Variants in DUSP16 observed in about 807,000 individuals in gnomAD.
DUSP16 encodes the protein dual specificity protein phosphatase 16.
Under a neutral mutation model 58.3 loss-of-function variants are expected in DUSP16, and 21 were observed. That is an observed-to-expected ratio of 0.36 (90% confidence interval 0.26 to 0.52). The LOEUF is 0.52. DUSP16 is among the 20% of genes least tolerant of loss of function. The probability of loss-of-function intolerance (pLI) is 0.94; values close to 1 mark genes in which losing one functional copy is unlikely to be tolerated. For synonymous variants in DUSP16, 320 were observed against 323.8 expected, an observed-to-expected ratio of 0.99 and a Z score of 0.12; for missense variants, 726 against 819.0, an observed-to-expected ratio of 0.89 and a Z score of 1.39.
intron 4 of DUSP16, among the ~76,000 whole-genome samples, chr12:12,497,936 C>T (rs1943852592): frequency 6.6e-6 from 1 of 152,050 alleles, no homozygotes; most frequent in Non-Finnish European, 1.5e-5. Context: ...TGCCACTGCA[C>T]TCCAGCCTGG....
chr12:12,504,051 T>G (rs1207024495), intron 3 of DUSP16, among the ~76,000 whole-genome samples: 1 of 152,344 alleles, frequency 6.6e-6, no homozygotes. Flanking sequence ...TCGTGTTTTG[T>G]TCCTTTTCAG....
intron 3 of DUSP16, among the ~76,000 whole-genome samples, chr12:12,508,987 G>A (rs1159915655): frequency 6.6e-6 from 1 of 152,196 alleles, no homozygotes; most frequent in Non-Finnish European, 1.5e-5. Context: ...ACATCCAGAT[G>A]TGTTATTCAA....
chr12:12,518,666 C>A (rs1370101389), intron 3 of DUSP16, among the ~76,000 whole-genome samples: 2 of 152,184 alleles, frequency 1.3e-5, no homozygotes, highest in South Asian at 4.1e-4. Context: ...ATTTAACACA[C>A]TCATACTCCC....
At chr12:12,490,445 T>G (rs2136201322) in intron 4 of DUSP16, among the ~76,000 whole-genome samples, 1 of 152,308 alleles carries the variant, frequency 6.6e-6, no homozygotes, top group African/African-American at 2.4e-5. Flanking sequence ...TTAATATAAT[T>G]TGGCTACTAA....
intron 2 of DUSP16, among the ~76,000 whole-genome samples, chr12:12,520,526 A>G (rs1328353354): frequency 6.6e-6 from 1 of 152,194 alleles, no homozygotes; most frequent in Non-Finnish European, 1.5e-5. Context: ...ACCCCTAATA[A>G]TTAGTTCCTA....
intron 3 of DUSP16, among the ~76,000 whole-genome samples, chr12:12,508,958 T>A (rs1399727176): frequency 6.6e-6 from 1 of 152,226 alleles, no homozygotes; most frequent in Non-Finnish European, 1.5e-5. Context: ...GGATAATATT[T>A]AAATCAACTC....
At chr12:12,492,090 C>A (rs1943768465) in intron 4 of DUSP16, among the ~76,000 whole-genome samples, 1 of 152,214 alleles carries the variant, frequency 6.6e-6, no homozygotes, top group Non-Finnish European at 1.5e-5. Flanking sequence ...TAATTCTCCA[C>A]CTAGTCAGCA....
Position 12,474,421 on chromosome 12 carries a change from C to T in DUSP16, c.*2412G>A, listed in dbSNP as rs1247467366. ...CTAAATCATTTTCCAGCACTTCTCA[C>T]ATAGAAGTCTAGTTTTGCTCTTTAA... On this transcript the variant is annotated 3_prime_UTR_variant, in exon 7 of 7. Coordinates refer to ENST00000298573, the MANE Select transcript of DUSP16 (RefSeq NM_030640.3). 6.6e-6 allele frequency: 1 copy of T among 152,238 alleles called. No homozygotes were observed. The highest frequency in any genetic ancestry group is 1.5e-5 in the Non-Finnish European group (1 of 68,054). 9.4% of individuals were successfully genotyped at this position (152,238 alleles called of 1,614,324 possible).
At chr12:12,501,673 G>C (rs1473150126) in intron 3 of DUSP16, among the ~76,000 whole-genome samples, 3 of 152,118 alleles carry the variant, frequency 2.0e-5, no homozygotes, top group Non-Finnish European at 4.4e-5. Context: ...TGGATGACGG[G>C]ATCCTCGTAT....
intron 1 of DUSP16, among the ~76,000 whole-genome samples, chr12:12,534,523 C>A (rs996761899): frequency 3.3e-5 from 5 of 152,342 alleles, no homozygotes; most frequent in Admixed American, 3.3e-4. Flanking sequence ...TCCATCACAT[C>A]ATCTAACTGT....
At chr12:12,512,865 C>G (rs897941202) in intron 3 of DUSP16, among the ~76,000 whole-genome samples, 5 of 152,052 alleles carry the variant, frequency 3.3e-5, no homozygotes, top group Non-Finnish European at 7.4e-5. Context: ...TGAAGATTTC[C>G]CTTCTCCAGA....
chr12:12,481,171 A>C (rs1299116123), intron 5 of DUSP16, among the ~76,000 whole-genome samples: 1 of 152,172 alleles, frequency 6.6e-6, no homozygotes, highest in Non-Finnish European at 1.5e-5. Flanking sequence ...TGATACCAGG[A>C]GTTATTGTCT....
intron 5 of DUSP16, among the ~76,000 whole-genome samples, chr12:12,482,490 G>A (rs1943590690): frequency 6.6e-6 from 1 of 152,058 alleles, no homozygotes; most frequent in South Asian, 2.1e-4. Flanking sequence ...CATGCATCTT[G>A]GGAGACATGA....
chr12:12,515,476 C>T (rs12314243), intron 3 of DUSP16, among the ~76,000 whole-genome samples: 20,654 of 151,448 alleles, frequency 0.14, 1,692 homozygotes, highest in East Asian at 0.43. Context: ...TACAGGCATG[C>T]GCCACCACAC....
intron 1 of DUSP16, among the ~76,000 whole-genome samples, chr12:12,546,512 G>A (rs752237494): frequency 2.0e-5 from 3 of 152,234 alleles, no homozygotes; most frequent in Non-Finnish European, 2.9e-5. Flanking sequence ...CATTACCTCC[G>A]CTATTTACAC....
At chr12:12,561,115 CAG>C (rs1481528364) in intron 1 of DUSP16, 3 of 152,170 alleles carry the variant, frequency 2.0e-5, no homozygotes, top group Non-Finnish European at 2.9e-5. Context: ...ATAAAAACTT[CAG>C]AGAGTTTTAA....
intron 1 of DUSP16, among the ~76,000 whole-genome samples, chr12:12,530,973 T>C (rs1340119049): frequency 6.6e-6 from 1 of 152,194 alleles, no homozygotes; most frequent in Non-Finnish European, 1.5e-5. Flanking sequence ...GATTACTATA[T>C]TGAAGGGGTT....
chr12:12,486,645 A>C (rs2136197067), intron 5 of DUSP16, among the ~76,000 whole-genome samples: 1 of 152,348 alleles, frequency 6.6e-6, no homozygotes, highest in South Asian at 2.1e-4. Flanking sequence ...TCTGTAAAAA[A>C]CACAGCAACA....
chr12:12,522,078 A>G (rs1944245947), intron 1 of DUSP16, among the ~76,000 whole-genome samples: 1 of 152,178 alleles, frequency 6.6e-6, no homozygotes, highest in African/African-American at 2.4e-5. Flanking sequence ...AATTTCAGCT[A>G]TCTTTTAAGG....
Sources: gnomAD v4.1 joint callset for allele counts (sites outside exome capture counted in the v4.1 genomes callset) on GRCh38, gnomAD v4.1.1 for gene constraint, MANE v1.5 for transcripts, NCBI Gene and HGNC (gene_info 2026-07-23, HGNC 2026-07-21) for gene names.